The following ATP10B variants were observed in gnomAD, a reference collection of about 807,000 sequenced individuals.
ATP10B encodes the protein phospholipid-transporting ATPase VB.
A neutral mutation model predicts 141.2 loss-of-function variants in ATP10B; 122 were observed. The observed-to-expected ratio is 0.86, with a 90% CI of 0.75 to 1.00. The LOEUF (loss-of-function observed/expected upper bound fraction) is 1.00, where lower values mean the gene tolerates loss of function less well. ATP10B is among the 50% of genes least tolerant of loss of function. The pLI, the probability that ATP10B is intolerant of heterozygous loss-of-function variation, is 0.00. For synonymous variants in ATP10B, 685 were observed against 692.0 expected (o/e 0.99, Z 0.16); for missense variants, 1,876 against 1,825.3 (o/e 1.03, Z -0.51).
intron 3 of ATP10B, among the ~76,000 whole-genome samples, chr5:160,708,056 C>T (rs192613738): frequency 1.3e-5 from 2 of 152,192 alleles, no homozygotes; most frequent in African/African-American, 4.8e-5. Flanking sequence ...TGGCAAGAGA[C>T]CATGGATGTT....
chr5:160,695,489 AGTGTGTGTGTGTGTGTGT>A (rs59946073), intron 3 of ATP10B, among the ~76,000 whole-genome samples: 2 of 148,788 alleles, frequency 1.3e-5, no homozygotes, highest in Non-Finnish European at 3.0e-5. Flanking sequence ...TGCGTGAGTG[AGTGTGTGTGTGTGTGTGT>A]GTGTGTGTGT....
At chr5:160,812,020 C>CAGAGAGAGAGAGAGAGAG (rs34793101) in intron 1 of ATP10B, among the ~76,000 whole-genome samples, 2 of 111,418 alleles carry the variant, frequency 1.8e-5, no homozygotes, top group Non-Finnish European at 4.0e-5. Flanking sequence ...GAGACAGAGA[C>CAGAGAGAGAGAGAGAGAG]AGAGAGAGAG....
chr5:160,739,308 C>T (rs915007653), intron 2 of ATP10B, among the ~76,000 whole-genome samples: 3 of 152,050 alleles, frequency 2.0e-5, no homozygotes, highest in Non-Finnish European at 4.4e-5. Context: ...TTTTATTCAA[C>T]ATTAGATTAG....
chr5:160,879,181 A>C, the ATP10B span, among the ~76,000 whole-genome samples: 19,123 of 30,296 alleles, frequency 0.63, 5,749 homozygotes, highest in East Asian at 0.9. Context: ...TGTGGCACAT[A>C]TACACCATGG....
At chr5:160,923,175 C>A in the ATP10B span, among the ~76,000 whole-genome samples, 1 of 152,182 alleles carries the variant, frequency 6.6e-6, no homozygotes, top group African/African-American at 2.4e-5. Flanking sequence ...AGCAGGGCAG[C>A]TTGACAAGGC....
chr5:160,872,589 A>T, the ATP10B span, among the ~76,000 whole-genome samples: 1 of 151,806 alleles, frequency 6.6e-6, no homozygotes, highest in African/African-American at 2.4e-5. Context: ...TTTATTCTCC[A>T]TGTGGATAGC....
chr5:160,615,186 T>G lies in ATP10B; in HGVS notation c.2653+652A>C, dbSNP rs570789283. Among the ~76,000 whole-genome samples the G allele has an allele frequency of 2.0e-5, 3 of 152,262 alleles. No individual in the cohort carries two copies. The East Asian group carries it at 5.8e-4, about 29-fold the overall frequency. ...AGCTGATTGACATGACCCTTCATAA[T>G]CTGGGTCCTGCTGACCTTTCCTGCC... On this transcript the variant is annotated intron_variant, in intron 17 of 25. Transcript: ENST00000327245.
intron 2 of ATP10B, among the ~76,000 whole-genome samples, chr5:160,755,253 G>GAACT (rs996950810): frequency 1.1e-4 from 17 of 148,750 alleles, no homozygotes; most frequent in Admixed American, 4.0e-4. Context: ...GATCTCCTGA[G>GAACT]AACTCACTCA....
At chr5:160,786,520 G>T (rs1331247474) in intron 1 of ATP10B, among the ~76,000 whole-genome samples, 1 of 152,084 alleles carries the variant, frequency 6.6e-6, no homozygotes. Context: ...AAGAGAGAGG[G>T]CAGGGTGGGA....
the ATP10B span, among the ~76,000 whole-genome samples, chr5:160,884,677 T>C: frequency 2.6e-5 from 4 of 152,134 alleles, no homozygotes; most frequent in African/African-American, 9.7e-5. Flanking sequence ...TGGCAATTGA[T>C]ATAAGTATTC....
At chr5:160,900,322 A>G in the ATP10B span, among the ~76,000 whole-genome samples, 69,804 of 151,652 alleles carry the variant, frequency 0.46, 17,116 homozygotes, top group Non-Finnish European at 0.54. Flanking sequence ...TTTATTAAAC[A>G]CTGTGGGGCC....
At chr5:160,851,367 C>T (rs1458925713) in intron 1 of ATP10B, among the ~76,000 whole-genome samples, 1 of 152,026 alleles carries the variant, frequency 6.6e-6, no homozygotes, top group Admixed American at 6.5e-5. Context: ...ATGCATGGGG[C>T]TTTTTTATTT....
chr5:160,836,252 T>C (rs1775422757), intron 1 of ATP10B, among the ~76,000 whole-genome samples: 1 of 152,048 alleles, frequency 6.6e-6, no homozygotes. Flanking sequence ...ACACAGAAAA[T>C]GACAGTTGGG....
chr5:160,884,402 G>T, the ATP10B span, among the ~76,000 whole-genome samples: 1 of 152,152 alleles, frequency 6.6e-6, no homozygotes, highest in Non-Finnish European at 1.5e-5. Flanking sequence ...AAGATGTTAG[G>T]TAGTATGAAA....
chr5:160,879,943 A>G, the ATP10B span, among the ~76,000 whole-genome samples: 3 of 152,110 alleles, frequency 2.0e-5, no homozygotes, highest in East Asian at 3.9e-4. Context: ...TGCTTTGTAT[A>G]TACCAACAAT....
intron 1 of ATP10B, among the ~76,000 whole-genome samples, chr5:160,798,819 C>G (rs1185058386): frequency 1.4e-5 from 2 of 143,356 alleles, no homozygotes; most frequent in Non-Finnish European, 3.0e-5. Context: ...GGTATGATCT[C>G]AGCTCACTGC....
intron 7 of ATP10B, among the ~76,000 whole-genome samples, chr5:160,656,566 A>G (rs184180341): frequency 6.6e-6 from 1 of 152,312 alleles, no homozygotes; most frequent in African/African-American, 2.4e-5. Context: ...CAGATTTCCA[A>G]AGGAATTATT....
At chr5:160,709,440 G>C (rs892444769) in intron 3 of ATP10B, among the ~76,000 whole-genome samples, 11 of 152,054 alleles carry the variant, frequency 7.2e-5, no homozygotes, top group Non-Finnish European at 1.5e-4. Flanking sequence ...AAATCATACA[G>C]TTATTTTCAG....
chr5:160,871,228 A>G, the ATP10B span, among the ~76,000 whole-genome samples: 324 of 152,236 alleles, frequency 2.1e-3, no homozygotes, highest in African/African-American at 7.5e-3. Context: ...TATTCCATAT[A>G]TATGTATATA....
Sources: allele counts gnomAD v4.1 joint callset (sites outside exome capture counted in the v4.1 genomes callset), GRCh38; gene constraint gnomAD v4.1.1; transcripts MANE v1.5; gene names NCBI Gene and HGNC (gene_info 2026-07-23, HGNC 2026-07-21).